The following ANO3 variants were observed in gnomAD, a reference collection of about 807,000 sequenced individuals.
ANO3 encodes the protein anoctamin 3.
In ANO3, 99 loss-of-function variants were observed where a neutral mutation model predicts 144.8. The ratio of observed to expected loss-of-function variants is 0.68; its 90% CI spans 0.58 to 0.81. ANO3 has a LOEUF of 0.81. ANO3 is among the 30% of genes least tolerant of loss of function. ANO3 has a pLI of 0.00. For missense variants in ANO3, 905 were observed against 1,202.2 expected, an observed-to-expected ratio of 0.75 and a Z score of 3.66; for synonymous variants, 414 against 392.6, an observed-to-expected ratio of 1.05 and a Z score of -0.64.
chr11:26,419,110 T>G (rs550240628), intron 1 of ANO3, among the ~76,000 whole-genome samples: 94 of 136,014 alleles, frequency 6.9e-4, no homozygotes, highest in Admixed American at 2.2e-3. Context: ...CTTACAATCA[T>G]GGCAGAAGGC....
chr11:26,317,125 C>A (rs917876124), intron 1 of ANO3, among the ~76,000 whole-genome samples: 4 of 152,044 alleles, frequency 2.6e-5, no homozygotes, highest in African/African-American at 9.7e-5. Context: ...CTGGGTAGCA[C>A]ACTGTCGTAG....
upstream of ANO3, among the ~76,000 whole-genome samples, chr11:26,329,421 T>G (rs1418842007): frequency 6.6e-6 from 1 of 152,094 alleles, no homozygotes; most frequent in Non-Finnish European, 1.5e-5. Flanking sequence ...CTCACAAAGC[T>G]GTTCCTCTAG....
In ANO3 at chr11:26,432,508, C is replaced by T. The variant is rs190121208; in HGVS notation, c.47-9410C>T. 1.9e-4 allele frequency among the ~76,000 whole-genome samples: 29 copies of T among 152,098 alleles called. No homozygotes were observed. In the East Asian group the frequency reaches 3.5e-3, roughly 18 times the overall value. On this transcript the variant is annotated intron_variant, in intron 1 of 26. Coordinates refer to ENST00000256737, the MANE Select transcript of ANO3 (RefSeq NM_031418.4). ...ATGTACATAATGGTATTGGCTAGGT[C>T]GTCTTTCAGGGTTTTTATAGTTTTG...
At chr11:26,233,448 G>T (rs1041366178) in intron 1 of ANO3, among the ~76,000 whole-genome samples, 4 of 152,146 alleles carry the variant, frequency 2.6e-5, no homozygotes, top group Admixed American at 1.3e-4. Context: ...AATGACAGAT[G>T]CTGGAAAGGA....
intron 1 of ANO3, among the ~76,000 whole-genome samples, chr11:26,361,346 G>C (rs1286790301): frequency 6.6e-6 from 1 of 152,062 alleles, no homozygotes; most frequent in Non-Finnish European, 1.5e-5. Context: ...TGTCCTATAT[G>C]GTAGCAGAAC....
In ANO3 at chr11:26,595,460, G is replaced by GTTTTTT. The variant is rs201712393; in HGVS notation, c.1448-2883_1448-2878dup. 5.6e-3 allele frequency among the ~76,000 whole-genome samples: 566 copies of GTTTTTT among 101,278 alleles called. 68 individuals are homozygous for GTTTTTT. Among genetic ancestry groups the GTTTTTT allele is most frequent in the African/African-American group, 0.019 (453 of 23,866 alleles). 66.4% of individuals were successfully genotyped at this position (101,278 alleles called of 152,430 possible). A position where few individuals can be genotyped will look rare whatever the true frequency, so the allele number is the denominator to read the frequency against. On this transcript the variant is annotated intron_variant, in intron 14 of 26. Transcript: ENST00000256737. Reference sequence around the variant, plus strand: ...TTTGACTCAGTATTGAGATAGAGTTGTTTTTTTTTTTTTTTTTTTTTTTTT... The same window carrying GTTTTTT: ...TTTGACTCAGTATTGAGATAGAGTTGTTTTTTTTTTTTTTTTTTTTTTTTTTTTTTT...
At chr11:26,262,680 G>C (rs1347868453) in intron 1 of ANO3, among the ~76,000 whole-genome samples, 1 of 151,884 alleles carries the variant, frequency 6.6e-6, no homozygotes, top group African/African-American at 2.4e-5. Context: ...AGGTCGGAAA[G>C]GTAGAGCCCT....
chr11:26,315,771 T>C (rs1199932627), intron 1 of ANO3, among the ~76,000 whole-genome samples: 5 of 152,260 alleles, frequency 3.3e-5, no homozygotes, highest in African/African-American at 1.2e-4. Context: ...GGAGATGCTT[T>C]TGAATCATTT....
At chr11:26,246,730 T>C (rs569983474) in intron 1 of ANO3, among the ~76,000 whole-genome samples, 5 of 152,080 alleles carry the variant, frequency 3.3e-5, no homozygotes, top group South Asian at 2.1e-4. Flanking sequence ...TGGGAGGTAA[T>C]TGAGTCATGG....
chr11:26,634,366 T>C (rs1188756096), intron 19 of ANO3, 51 bp downstream of exon 19: 3 of 1,190,068 alleles, frequency 2.5e-6, no homozygotes, highest in South Asian at 2.6e-5. Context: ...ACACAGTCAA[T>C]AGTTTAATTG....
intron 1 of ANO3, among the ~76,000 whole-genome samples, chr11:26,433,491 T>G (rs1189175450): frequency 6.6e-6 from 1 of 152,186 alleles, no homozygotes; most frequent in Non-Finnish European, 1.5e-5. Flanking sequence ...GGGGGAATAC[T>G]TTCAGCTTTT....
rs558690651 is a variant in ANO3, at chr11:26,641,034, G to C, written c.2142-862G>C. Among the ~76,000 whole-genome samples the C allele has an allele frequency of 5.3e-5, 8 of 152,186 alleles. No homozygotes were observed. The South Asian group carries it at 6.2e-4, about 12-fold the overall frequency. On this transcript the variant is annotated intron_variant, in intron 21 of 26. Transcript: ENST00000256737. Reference sequence around the variant, plus strand: ...TTGAGGGTTGGGTACTGTTCACTGAGTCCTGTAAAATTCACCTTGTCCTGG... The same window carrying C: ...TTGAGGGTTGGGTACTGTTCACTGACTCCTGTAAAATTCACCTTGTCCTGG...
At chr11:26,203,093 A>G (rs1032682881) in intron 1 of ANO3, among the ~76,000 whole-genome samples, 1 of 152,114 alleles carries the variant, frequency 6.6e-6, no homozygotes, top group Non-Finnish European at 1.5e-5. Context: ...CATGCCACCA[A>G]GGGTGTCTAA....
At chr11:26,593,740 C>A (rs1018641450) in intron 14 of ANO3, among the ~76,000 whole-genome samples, 4 of 152,090 alleles carry the variant, frequency 2.6e-5, no homozygotes, top group Non-Finnish European at 5.9e-5. Context: ...TTAAAGTGTC[C>A]GTGTAGGCCG....
chr11:26,204,083 T>A (rs1363684141), intron 1 of ANO3, among the ~76,000 whole-genome samples: 2 of 151,742 alleles, frequency 1.3e-5, no homozygotes, highest in African/African-American at 4.9e-5. Flanking sequence ...CTTTTTCTTA[T>A]GGAATGGTTT....
intron 17 of ANO3, among the ~76,000 whole-genome samples, chr11:26,608,561 G>A (rs190870535): frequency 6.6e-6 from 1 of 152,282 alleles, no homozygotes; most frequent in Non-Finnish European, 1.5e-5. Flanking sequence ...AAGTCTGCTG[G>A]TTTATAGAAA....
chr11:26,602,178 C>T (rs1158971897), intron 17 of ANO3, among the ~76,000 whole-genome samples: 1 of 152,060 alleles, frequency 6.6e-6, no homozygotes, highest in East Asian at 1.9e-4. Context: ...TGGACAGAAG[C>T]ACAGAAATGC....
chr11:26,509,066 T>C (rs944697703), intron 5 of ANO3, among the ~76,000 whole-genome samples: 5 of 142,428 alleles, frequency 3.5e-5, no homozygotes, highest in Admixed American at 3.0e-4. Context: ...GATATATATG[T>C]ACGTATACAT....
rs187129100 is a variant in ANO3 at position 26,217,119 on chromosome 11, G to T, written c.154+27789G>T. Among the ~76,000 whole-genome samples, 670 of 151,926 alleles carry T rather than the reference G, an allele frequency of 4.4e-3. 1 individual carries two copies. The highest frequency in any genetic ancestry group is 6.8e-3 in the Middle Eastern group (2 of 294). On this transcript the variant is annotated intron_variant, in intron 1 of 27. Transcript: ENST00000672621. ...TTTCATGGATAGCACATTTGATGTT[G>T]TACCTAAAAATTGATCACCACGTGA...
Sources: gnomAD v4.1 joint callset for allele counts (sites outside exome capture counted in the v4.1 genomes callset) on GRCh38, gnomAD v4.1.1 for gene constraint, MANE v1.5 for transcripts, NCBI Gene and HGNC (gene_info 2026-07-23, HGNC 2026-07-21) for gene names.